The following EPHA3 variants were observed in gnomAD, a reference collection of about 807,000 sequenced individuals.
EPHA3 encodes the protein EPH receptor A3, also known as ephrin type-A receptor 3.
In EPHA3, 42 loss-of-function variants were observed where a neutral mutation model predicts 107.1. That is an observed-to-expected ratio of 0.39 (90% CI 0.31 to 0.51). The LOEUF is 0.51. Ranked by LOEUF, EPHA3 falls within the 20% of genes least tolerant of loss-of-function variation. The pLI is 0.78. For missense variants in EPHA3, 1,183 were observed against 1,211.2 expected, an observed-to-expected ratio of 0.98 and a Z score of 0.35; for synonymous variants, 461 against 424.8, an observed-to-expected ratio of 1.09 and a Z score of -1.05.
intron 5 of EPHA3, among the ~76,000 whole-genome samples, chr3:89,347,795 A>G (rs1707708568): frequency 6.6e-6 from 1 of 150,594 alleles, no homozygotes; most frequent in Non-Finnish European, 1.5e-5. Flanking sequence ...TCCCATCAAT[A>G]CCTAATTTAT....
At chr3:89,208,185 C>T (rs1375123367) in intron 2 of EPHA3, among the ~76,000 whole-genome samples, 1 of 151,614 alleles carries the variant, frequency 6.6e-6, no homozygotes, top group Non-Finnish European at 1.5e-5. Context: ...CACTGGCCAA[C>T]ATGGAGAAAC....
intron 5 of EPHA3, among the ~76,000 whole-genome samples, chr3:89,384,462 A>G (rs369998452): frequency 3.9e-5 from 6 of 152,224 alleles, no homozygotes; most frequent in African/African-American, 1.4e-4. Flanking sequence ...CTCTGGGAAT[A>G]AAGATTTGAT....
chr3:89,205,454 G>T (rs1383562740), intron 2 of EPHA3, among the ~76,000 whole-genome samples: 1 of 152,132 alleles, frequency 6.6e-6, no homozygotes, highest in African/African-American at 2.4e-5. Context: ...TGATGGAGAG[G>T]TTTGGTGTGG....
rs527973326 is a variant in EPHA3, at chr3:89,412,085, T to A, written c.1763-1056T>A. On this transcript the variant is annotated intron_variant, in intron 9 of 16. Coordinates refer to ENST00000336596, the MANE Select transcript of EPHA3 (RefSeq NM_005233.6). ...TATACCATAGGAGTTACATTGCAATTTCCTTTAATTTTAGATCATATTTAT... is the reference window on the plus strand; with the variant it reads ...TATACCATAGGAGTTACATTGCAATATCCTTTAATTTTAGATCATATTTAT... Among the ~76,000 whole-genome samples, 9 of 151,978 alleles carry A rather than the reference T, an allele frequency of 5.9e-5. No homozygotes were observed. The South Asian group carries it at 1.9e-3, about 31-fold the overall frequency.
At chr3:89,128,177 A>C (rs1704131603) in intron 2 of EPHA3, among the ~76,000 whole-genome samples, 1 of 152,100 alleles carries the variant, frequency 6.6e-6, no homozygotes, top group South Asian at 2.1e-4. Flanking sequence ...TTCAGTCTTT[A>C]GATTTTTGTG....
rs1704335660 is a variant in EPHA3, at chr3:89,137,364, G to T, written c.153+10091G>T. On this transcript the variant is annotated intron_variant, in intron 2 of 16. Transcript: ENST00000336596. ...AAAAGCTTTGCTTATTTAAAATATT[G>T]CCTCCTTTATGAAAATTTTTAATTA... Among the ~76,000 whole-genome samples, 3 of 151,622 alleles carry T rather than the reference G, an allele frequency of 2.0e-5. No individual in the cohort carries two copies. In the South Asian group the frequency reaches 6.2e-4, roughly 31 times the overall value.
intron 5 of EPHA3, among the ~76,000 whole-genome samples, chr3:89,392,767 T>G (rs1406425126): frequency 6.6e-6 from 1 of 152,150 alleles, no homozygotes. Flanking sequence ...AATTAGTAAT[T>G]TGAACAAATC....
chr3:89,282,674 TA>T (rs1441427004), intron 3 of EPHA3, among the ~76,000 whole-genome samples: 3 of 152,112 alleles, frequency 2.0e-5, no homozygotes, highest in African/African-American at 7.2e-5. Context: ...CAATCAATTA[TA>T]AGTACCAATT....
At chr3:89,468,259 T>TG (rs1385819497) in intron 15 of EPHA3, among the ~76,000 whole-genome samples, 1 of 151,568 alleles carries the variant, frequency 6.6e-6, no homozygotes, top group Non-Finnish European at 1.5e-5. Flanking sequence ...TAGGTCATTT[T>TG]TTTTTGTCTT....
intron 3 of EPHA3, among the ~76,000 whole-genome samples, chr3:89,252,650 A>G (rs1334618691): frequency 6.6e-6 from 1 of 151,864 alleles, no homozygotes; most frequent in Non-Finnish European, 1.5e-5. Context: ...GGATCTCTTG[A>G]GCCCAGGAAG....
At chr3:89,302,221 G>C (rs1028424491) in intron 3 of EPHA3, among the ~76,000 whole-genome samples, 6 of 151,956 alleles carry the variant, frequency 3.9e-5, no homozygotes, top group African/African-American at 1.4e-4. Context: ...TATTCTAAAG[G>C]CAATCATATT....
chr3:89,393,830 C>A (rs938476683), intron 5 of EPHA3, among the ~76,000 whole-genome samples: 2 of 151,960 alleles, frequency 1.3e-5, no homozygotes, highest in Non-Finnish European at 1.5e-5. Context: ...TTCAGCAATA[C>A]ATTTATAAAT....
chr3:89,136,384 GA>G (rs147836941), intron 2 of EPHA3, among the ~76,000 whole-genome samples: 29 of 88,622 alleles, frequency 3.3e-4, no homozygotes, highest in African/African-American at 9.0e-4. Context: ...AATGCACTCT[GA>G]AAAAAAAAAG....
intron 13 of EPHA3, among the ~76,000 whole-genome samples, chr3:89,437,278 AT>A (rs1422535056): frequency 6.6e-6 from 1 of 152,154 alleles, no homozygotes; most frequent in East Asian, 1.9e-4. Context: ...GATATAATAT[AT>A]TTTAAAGAAG....
intron 5 of EPHA3, among the ~76,000 whole-genome samples, chr3:89,382,532 A>G (rs2107486831): frequency 6.6e-6 from 1 of 151,902 alleles, no homozygotes; most frequent in Non-Finnish European, 1.5e-5. Flanking sequence ...AAAAGAGAAT[A>G]TTCCATGTCA....
chr3:89,176,675 G>A (rs1284461734), intron 2 of EPHA3, among the ~76,000 whole-genome samples: 3 of 151,892 alleles, frequency 2.0e-5, no homozygotes, highest in Non-Finnish European at 4.4e-5. Context: ...CATATTAACA[G>A]TCTTAAATCT....
At chr3:89,375,009 A>G (rs1462662469) in intron 5 of EPHA3, among the ~76,000 whole-genome samples, 1 of 151,734 alleles carries the variant, frequency 6.6e-6, no homozygotes, top group East Asian at 1.9e-4. Context: ...TTACAACTCA[A>G]TTTCACAATT....
chr3:89,125,198 A>G (rs1243961126), intron 1 of EPHA3, among the ~76,000 whole-genome samples: 1 of 151,838 alleles, frequency 6.6e-6, no homozygotes, highest in Non-Finnish European at 1.5e-5. Flanking sequence ...GAACACAATG[A>G]TACATTAAGC....
intron 3 of EPHA3, among the ~76,000 whole-genome samples, chr3:89,333,744 C>A (rs1346797752): frequency 2.6e-5 from 4 of 151,822 alleles, no homozygotes; most frequent in East Asian, 3.9e-4. Context: ...TGGTGGCATG[C>A]GACTGTAGTC....
Sources: gnomAD v4.1 joint callset for allele counts (sites outside exome capture counted in the v4.1 genomes callset) on GRCh38, gnomAD v4.1.1 for gene constraint, MANE v1.5 for transcripts, NCBI Gene and HGNC (gene_info 2026-07-23, HGNC 2026-07-21) for gene names.